The following SPATA17 variants were observed in gnomAD, a reference collection of about 807,000 sequenced individuals.
SPATA17 encodes spermatogenesis associated 17.
A neutral mutation model predicts 62.2 loss-of-function variants in SPATA17; 53 were observed. That is an observed-to-expected ratio of 0.85 (90% CI 0.68 to 1.07). SPATA17 has a LOEUF of 1.07. Ranked by LOEUF, SPATA17 falls within the 50% of genes least tolerant of loss-of-function variation. The probability of loss-of-function intolerance (pLI) is 0.00; values close to 1 mark genes in which losing one functional copy is unlikely to be tolerated. For synonymous variants in SPATA17, 146 were observed against 146.8 expected (o/e 0.99, Z 0.04); for missense variants, 466 against 425.5 (o/e 1.10, Z -0.84).
chr1:217,842,011 TAGG>T (rs1215027896), intron 9 of SPATA17, among the ~76,000 whole-genome samples: 2 of 151,872 alleles, frequency 1.3e-5, no homozygotes, highest in African/African-American at 2.4e-5. Context: ...TTTGTTTTGC[TAGG>T]AGATTATTAT....
chr1:217,822,697 A>AT (rs899930091), intron 9 of SPATA17, among the ~76,000 whole-genome samples: 4 of 148,882 alleles, frequency 2.7e-5, no homozygotes, highest in Non-Finnish European at 4.5e-5. Context: ...CTTTTTGCTG[A>AT]TTTTTATATA....
chr1:217,775,442 C>T (rs540731565), intron 7 of SPATA17, among the ~76,000 whole-genome samples: 15 of 152,256 alleles, frequency 9.9e-5, no homozygotes, highest in Admixed American at 2.6e-4. Context: ...CAGTGGTTCA[C>T]GCCTGTAATT....
chr1:217,839,673 C>T (rs1675346020), intron 9 of SPATA17, among the ~76,000 whole-genome samples: 2 of 151,162 alleles, frequency 1.3e-5, no homozygotes, highest in South Asian at 4.2e-4. Flanking sequence ...TTCAATCTTG[C>T]TAAAGGTAGC....
intron 5 of SPATA17, among the ~76,000 whole-genome samples, chr1:217,694,781 G>A (rs1252329552): frequency 1.4e-5 from 2 of 146,824 alleles, no homozygotes; most frequent in African/African-American, 2.5e-5. Context: ...TGAAATTCTG[G>A]GTTGAAAATT....
chr1:217,742,971 A>G (rs1399426303), intron 6 of SPATA17, among the ~76,000 whole-genome samples: 1 of 148,564 alleles, frequency 6.7e-6, no homozygotes, highest in African/African-American at 2.6e-5. Context: ...TATATATATT[A>G]AATCCTGGGC....
intron 5 of SPATA17, among the ~76,000 whole-genome samples, chr1:217,683,603 T>G (rs1671150277): frequency 6.6e-6 from 1 of 152,086 alleles, no homozygotes; most frequent in Admixed American, 6.5e-5. Context: ...CACAGCCGGC[T>G]AATTTTTTTC....
chr1:217,779,363 G>A (rs79351331), intron 7 of SPATA17, among the ~76,000 whole-genome samples: 5,447 of 150,692 alleles, frequency 0.036, 305 homozygotes, highest in African/African-American at 0.12. Context: ...TCTTTTCTTC[G>A]TTCTCTCTTT....
chr1:217,761,717 T>C (rs933128176), intron 6 of SPATA17, among the ~76,000 whole-genome samples: 2 of 152,068 alleles, frequency 1.3e-5, no homozygotes, highest in Non-Finnish European at 2.9e-5. Flanking sequence ...GCAATTTTAG[T>C]TTGTTTTTTT....
intron 8 of SPATA17, among the ~76,000 whole-genome samples, chr1:217,799,754 C>T (rs1229513588): frequency 2.0e-5 from 3 of 151,680 alleles, no homozygotes; most frequent in Admixed American, 1.3e-4. Flanking sequence ...AATAATTTTC[C>T]ATTGAATTTA....
intron 5 of SPATA17, among the ~76,000 whole-genome samples, chr1:217,735,848 T>C (rs1232936335): frequency 1.3e-5 from 2 of 151,950 alleles, no homozygotes; most frequent in East Asian, 1.9e-4. Flanking sequence ...ATTAATAATT[T>C]TTATTATGGT....
At chr1:217,643,733 T>C in intron 1 of SPATA17, among the ~76,000 whole-genome samples, 1 of 147,226 alleles carries the variant, frequency 6.8e-6, no homozygotes, top group African/African-American at 2.5e-5. Flanking sequence ...TATATATATA[T>C]AATTTTTTTT....
chr1:217,690,473 A>ATTTTTTTTTTTTTTATTTTTT (rs1671324811), intron 5 of SPATA17, among the ~76,000 whole-genome samples: 1 of 79,540 alleles, frequency 1.3e-5, no homozygotes, highest in African/African-American at 5.1e-5. Context: ...TTTATTTTTT[A>ATTTTTTTTTTTTTTATTTTTT]TTTTTTTTTT....
intron 8 of SPATA17, among the ~76,000 whole-genome samples, chr1:217,785,545 C>T (rs1453049602): frequency 3.9e-5 from 6 of 152,102 alleles, no homozygotes; most frequent in South Asian, 2.1e-4. Flanking sequence ...AAAATCTGCC[C>T]GCATGATCCA....
At chr1:217,679,801 A>G (rs6663495) in intron 4 of SPATA17, among the ~76,000 whole-genome samples, 38,322 of 152,000 alleles carry the variant, frequency 0.25, 5,296 homozygotes, top group African/African-American at 0.36. Context: ...AAGAGCCCAC[A>G]TTGTTGGATT....
At chr1:217,719,198 A>T (rs953120141) in intron 5 of SPATA17, among the ~76,000 whole-genome samples, 1 of 152,238 alleles carries the variant, frequency 6.6e-6, no homozygotes, top group African/African-American at 2.4e-5. Context: ...ACAGACATGG[A>T]ATATTCTGTT....
intron 6 of SPATA17, among the ~76,000 whole-genome samples, chr1:217,764,144 C>T (rs1558040832): frequency 6.6e-6 from 1 of 152,100 alleles, no homozygotes; most frequent in Non-Finnish European, 1.5e-5. Flanking sequence ...GCTGTATGTT[C>T]TATGGGTTTA....
At chr1:217,856,067 CA>C in intron 9 of SPATA17, among the ~76,000 whole-genome samples, 1 of 152,068 alleles carries the variant, frequency 6.6e-6, no homozygotes, top group South Asian at 2.1e-4. Context: ...TATATAAAAA[CA>C]GGAAAAGAAT....
At chr1:217,844,014 T>C (rs551610606) in intron 9 of SPATA17, among the ~76,000 whole-genome samples, 1 of 152,276 alleles carries the variant, frequency 6.6e-6, no homozygotes, top group African/African-American at 2.4e-5. Context: ...TCTGATGGTG[T>C]GGAGGCCAGC....
At chr1:217,815,028 C>T (rs1674678024) in intron 9 of SPATA17, among the ~76,000 whole-genome samples, 1 of 151,928 alleles carries the variant, frequency 6.6e-6, no homozygotes, top group African/African-American at 2.4e-5. Context: ...AATTTGAAGG[C>T]CTCAATTTAT....
Sources: gnomAD v4.1 joint callset for allele counts (sites outside exome capture counted in the v4.1 genomes callset) on GRCh38, gnomAD v4.1.1 for gene constraint, MANE v1.5 for transcripts, NCBI Gene and HGNC (gene_info 2026-07-23, HGNC 2026-07-21) for gene names.